Variants in SLC36A1 observed in about 807,000 individuals in gnomAD.
SLC36A1 encodes solute carrier family 36 member 1.
Under a neutral mutation model 47.5 loss-of-function variants are expected in SLC36A1, and 30 were observed. The ratio of observed to expected loss-of-function variants is 0.63; its 90% confidence interval spans 0.47 to 0.86. The LOEUF is 0.86. Among genes scored for constraint, SLC36A1 ranks in the 40% least tolerant of loss-of-function variants. SLC36A1 has a pLI of 0.00. For synonymous variants in SLC36A1, 255 were observed against 249.7 expected (o/e 1.02, Z -0.20); for missense variants, 517 against 606.0 (o/e 0.85, Z 1.54).
intron 1 of SLC36A1, among the ~76,000 whole-genome samples, chr5:151,449,543 C>T (rs1055416167): frequency 1.3e-5 from 2 of 152,188 alleles, no homozygotes; most frequent in African/African-American, 4.8e-5. Context: ...GCTGTTCATT[C>T]AGCCTCCTCT....
At chr5:151,455,683 T>A (rs1754391903) in intron 1 of SLC36A1, among the ~76,000 whole-genome samples, 1 of 152,204 alleles carries the variant, frequency 6.6e-6, no homozygotes, top group African/African-American at 2.4e-5. Flanking sequence ...ATGCAATTTT[T>A]AACAGTTTAC....
chr5:151,359,446 A>G, the SLC36A1 span, among the ~76,000 whole-genome samples: 2 of 152,240 alleles, frequency 1.3e-5, no homozygotes, highest in Non-Finnish European at 2.9e-5. Flanking sequence ...AAAGATTTTC[A>G]GCTAGCAAAT....
chr5:151,543,046 G>T, the SLC36A1 span: 1 of 1,614,150 alleles, frequency 6.2e-7, no homozygotes, highest in South Asian at 1.1e-5. Context: ...AGTATACAAA[G>T]GTTCAGAAAA....
Position 151,464,518 on chromosome 5 carries a change from G to A in SLC36A1, c.239G>A (p.Gly80Asp). The A allele has an allele frequency of 1.2e-6, 2 of 1,613,610 alleles. No individual in the cohort carries two copies. Among genetic ancestry groups the A allele is most frequent in the Admixed American group, 1.7e-5 (1 of 60,010 alleles). The change falls in exon 4 of 11, where the codon GGT becomes GAT. Residue 80 changes from glycine (G) to aspartate (D), a missense_variant. Physicochemically the swap from Gly to Asp is moderately conservative, Grantham distance 94. Coordinates refer to ENST00000243389, the MANE Select transcript of SLC36A1 (RefSeq NM_078483.4). ...LAVKNAGIVM[G>D]PISLLIIGIV... ...GCCTGCAATATCTGTCCCCAGATGG[G>A]TCCCATCAGCCTGCTGATCATAGGC... is the stretch of plus-strand genomic sequence containing the variant.
intron 2 of SLC36A1, 78 bp from the exon 3 acceptor site, chr5:151,463,475 A>G: frequency 1.0e-6 from 1 of 1,004,390 alleles, no homozygotes; most frequent in South Asian, 1.3e-5. Context: ...ATAAAATAAG[A>G]TAATGCATAT....
chr5:151,347,551 C>T, the SLC36A1 span: 3 of 1,513,250 alleles, frequency 2.0e-6, no homozygotes, highest in Non-Finnish European at 2.7e-6. Context: ...ATGTACACCC[C>T]AGCACAGTGG....
the SLC36A1 span, among the ~76,000 whole-genome samples, chr5:151,517,063 A>T: frequency 6.6e-6 from 1 of 151,550 alleles, no homozygotes; most frequent in East Asian, 1.9e-4. Context: ...ATCTGAAATC[A>T]CACCACTGCA....
the SLC36A1 span, among the ~76,000 whole-genome samples, chr5:151,508,104 G>A: frequency 6.6e-6 from 1 of 152,138 alleles, no homozygotes; most frequent in African/African-American, 2.4e-5. Flanking sequence ...GAAAGCATGC[G>A]AACTCTCAGG....
the SLC36A1 span, chr5:151,542,432 C>T: frequency 1.7e-5 from 28 of 1,614,206 alleles, no homozygotes; most frequent in Admixed American, 1.8e-4. Flanking sequence ...TTGTCATTCT[C>T]ATCTGTAATG....
the SLC36A1 span, among the ~76,000 whole-genome samples, chr5:151,385,020 G>A: frequency 2.0e-5 from 3 of 150,652 alleles, no homozygotes; most frequent in Non-Finnish European, 2.9e-5. Context: ...GTGTGTGTGT[G>A]TGTGTGTGTG....
At chr5:151,408,481 CT>C in the SLC36A1 span, among the ~76,000 whole-genome samples, 1,127 of 152,300 alleles carry the variant, frequency 7.4e-3, 19 homozygotes, top group African/African-American at 0.026. Flanking sequence ...ACCACCGTGC[CT>C]GGCCAAGTCA....
chr5:151,553,786 C>T, the SLC36A1 span, among the ~76,000 whole-genome samples: 5,622 of 152,232 alleles, frequency 0.037, 244 homozygotes, highest in African/African-American at 0.1. Context: ...GAGCTTTGTG[C>T]GCAATATCTG....
the SLC36A1 span, among the ~76,000 whole-genome samples, chr5:151,520,719 A>G: frequency 8.1e-3 from 1,234 of 152,354 alleles, 26 homozygotes; most frequent in African/African-American, 0.029. Flanking sequence ...AATACACCCA[A>G]AGTTACACAG....
At chr5:151,469,199 T>C (rs527551403) in intron 7 of SLC36A1, 1 of 689,368 alleles carries the variant, frequency 1.5e-6, no homozygotes, top group East Asian at 2.7e-5. Flanking sequence ...CCACCCCGAG[T>C]CTCCTCTCAG....
At position 151,481,216 on chromosome 5, in the gene SLC36A1, G is replaced by A. The variant is rs559947064; in HGVS notation, c.1159+1727G>A. On this transcript the variant is annotated intron_variant, in intron 10 of 10. Coordinates refer to ENST00000243389, the MANE Select transcript of SLC36A1 (RefSeq NM_078483.4). ...CAACAGGACGATGCTCAGAAGACAC[G>A]GCTGCTTTTGGTCTTCAAGTGTGTG... Among the ~76,000 whole-genome samples the A allele has an allele frequency of 2.6e-5, 4 of 152,280 alleles. No homozygotes were observed. The East Asian group carries it at 7.7e-4, about 29-fold the overall frequency.
the SLC36A1 span, chr5:151,544,011 G>T: frequency 4.3e-6 from 7 of 1,614,090 alleles, no homozygotes; most frequent in Admixed American, 1.7e-5. Context: ...GGTTGTCATT[G>T]ATATCAGACA....
chr5:151,507,699 T>G, the SLC36A1 span: 1 of 1,248,042 alleles, frequency 8.0e-7, no homozygotes, highest in East Asian at 2.6e-5. Context: ...TAGAGACTGC[T>G]CCCCCCAAAA....
the SLC36A1 span, chr5:151,542,922 G>T: frequency 6.2e-7 from 1 of 1,614,076 alleles, no homozygotes; most frequent in Non-Finnish European, 8.5e-7. Context: ...CACCATCCTT[G>T]TTGCTCTCAG....
At chr5:151,436,048 T>A (rs1257193103), upstream of SLC36A1, among the ~76,000 whole-genome samples, 7 of 152,014 alleles carry the variant, frequency 4.6e-5, no homozygotes, top group African/African-American at 1.7e-4. Flanking sequence ...GCACCTACTA[T>A]GTAATAGGCA....
Sources: gnomAD v4.1 joint callset for allele counts (sites outside exome capture counted in the v4.1 genomes callset) on GRCh38, gnomAD v4.1.1 for gene constraint, MANE v1.5 for transcripts, NCBI Gene and HGNC (gene_info 2026-07-23, HGNC 2026-07-21) for gene names.